The following JADE1 variants were observed in gnomAD, a reference collection of about 807,000 sequenced individuals.
JADE1 encodes jade family PHD finger 1.
In JADE1, 14 loss-of-function variants were observed where a neutral mutation model predicts 81.8. The observed-to-expected ratio is 0.17, with a 90% CI of 0.11 to 0.27. JADE1 has a LOEUF of 0.27. JADE1 is among the 10% of genes least tolerant of loss of function. The pLI, the probability that JADE1 is intolerant of heterozygous loss-of-function variation, is 1.00. For synonymous variants in JADE1, 353 were observed against 391.9 expected, an observed-to-expected ratio of 0.90 and a Z score of 1.17; for missense variants, 690 against 1,047.9, an observed-to-expected ratio of 0.66 and a Z score of 4.71.
Position 128,846,167 on chromosome 4 carries a change from G to A in JADE1, c.139-208G>A, listed in dbSNP as rs933599573. 1.3e-5 allele frequency among the ~76,000 whole-genome samples: 2 copies of A among 152,050 alleles called. No individual in the cohort carries two copies. Among genetic ancestry groups the A allele is most frequent in the East Asian group, 1.9e-4 (1 of 5,190 alleles). On this transcript the variant is annotated intron_variant, in intron 3 of 10. Coordinates refer to ENST00000226319, the MANE Select transcript of JADE1 (RefSeq NM_199320.4). The surrounding 1 kb of genome is among the most constrained non-coding windows in gnomAD (Gnocchi z 4.0). ...GACACTATGGACTGAGGGAGTGAGA[G>A]GGCAGTGTTCCCTCAGCACTGCCAC...
chr4:128,862,436 TG>T lies in JADE1; in HGVS notation c.1503+213del, dbSNP rs200381222. On this transcript the variant is annotated intron_variant, in intron 9 of 10. Transcript: ENST00000226319. ...TGCTACTGAGTGGGGAGCTTCTTTGTGGTTTTTTTTTTTTTAAAAACACTTT... is the reference window on the plus strand; with the variant it reads ...TGCTACTGAGTGGGGAGCTTCTTTGTGTTTTTTTTTTTTTAAAAACACTTT... The T allele has an allele frequency of 6.7e-4, 939 of 1,393,470 alleles. 2 individuals carry two copies. In the East Asian group the frequency reaches 0.012, roughly 18 times the overall value. 86.3% of individuals were successfully genotyped at this position (1,393,470 alleles called of 1,614,324 possible).
At chr4:128,855,911 C>G (rs1184871308) in intron 7 of JADE1, 114 bp downstream of exon 7, 2 of 875,978 alleles carry the variant, frequency 2.3e-6, no homozygotes, top group Non-Finnish European at 3.3e-6. Context: ...CCTTGACCTG[C>G]TGGGCTCAAG....
At chr4:128,812,397 A>AGCGTTCGCCGCTGCGGG (rs1235174101) in intron 1 of JADE1, among the ~76,000 whole-genome samples, 1 of 151,554 alleles carries the variant, frequency 6.6e-6, no homozygotes, top group Non-Finnish European at 1.5e-5. Flanking sequence ...AGCCGCGCGG[A>AGCGTTCGCCGCTGCGGG]GCGTTCGCCG....
At chr4:128,813,615 GT>G (rs1365160175) in intron 1 of JADE1, among the ~76,000 whole-genome samples, 2 of 151,762 alleles carry the variant, frequency 1.3e-5, no homozygotes, top group Non-Finnish European at 2.9e-5. Context: ...TAGAGACGGG[GT>G]TTCACCATAT....
At chr4:128,833,836 C>G (rs1191910184) in intron 2 of JADE1, among the ~76,000 whole-genome samples, 1 of 152,210 alleles carries the variant, frequency 6.6e-6, no homozygotes, top group African/African-American at 2.4e-5. Context: ...TGTATGCTCA[C>G]TCTGTCTGCT....
intron 1 of JADE1, among the ~76,000 whole-genome samples, chr4:128,821,014 G>A (rs574905093): frequency 2.0e-5 from 3 of 152,210 alleles, no homozygotes; most frequent in Admixed American, 6.5e-5. Flanking sequence ...TCTTACCTTC[G>A]TTCATTCAGA....
At chr4:128,870,303 T>A (rs904339195) in intron 10 of JADE1, among the ~76,000 whole-genome samples, 1 of 152,168 alleles carries the variant, frequency 6.6e-6, no homozygotes, top group Non-Finnish European at 1.5e-5. Flanking sequence ...ATGTTTCATT[T>A]GCTTGCAGTG....
intron 2 of JADE1, among the ~76,000 whole-genome samples, chr4:128,836,099 A>G (rs981443761): frequency 6.6e-6 from 1 of 151,910 alleles, no homozygotes. Flanking sequence ...CAAGTCCTTA[A>G]TTTTCTGCTT....
At position 128,861,755 on chromosome 4, in the gene JADE1, C is replaced by G. The variant is rs143731654; in HGVS notation, c.1033C>G (p.Arg345Gly). Residue 345 changes from arginine to glycine, a missense_variant, in exon 9 of 11, where the codon CGG (arginine) becomes GGG (glycine). Physicochemically the swap from Arg to Gly is moderately radical, Grantham distance 125 (BLOSUM62 -2). This residue lies in a region of JADE1 where 77 missense variants were observed against 76.4 expected (regional missense o/e 1.01). Coordinates refer to ENST00000226319, the MANE Select transcript of JADE1 (RefSeq NM_199320.4). Reference sequence around the variant, plus strand: ...CTTCCATGTGACCTGTGCTTTTGACCGGGGCCTGGAGATGAAGACCATCTT... The same window carrying G: ...CTTCCATGTGACCTGTGCTTTTGACGGGGGCCTGGAGATGAAGACCATCTT... ...TAFHVTCAFDRGLEMKTILAE... is the reference protein window; with the variant it reads ...TAFHVTCAFDGGLEMKTILAE... The G allele has an allele frequency of 1.1e-5, 18 of 1,614,028 alleles. No individual in the cohort carries two copies. The highest frequency in any genetic ancestry group is 1.5e-5 in the Non-Finnish European group (18 of 1,180,020).
chr4:128,834,985 T>C (rs75287103), intron 2 of JADE1, among the ~76,000 whole-genome samples: 7 of 137,316 alleles, frequency 5.1e-5, no homozygotes, highest in African/African-American at 2.1e-4. Context: ...ATCTCTATTT[T>C]AAAAAAAAAA....
At chr4:128,815,337 T>G (rs1726936062) in intron 1 of JADE1, among the ~76,000 whole-genome samples, 1 of 152,142 alleles carries the variant, frequency 6.6e-6, no homozygotes, top group Non-Finnish European at 1.5e-5. Flanking sequence ...CCTGACCTCG[T>G]GATCCGCCCG....
At chr4:128,828,327 T>TAAAA (rs1231486156) in intron 1 of JADE1, among the ~76,000 whole-genome samples, 1 of 152,166 alleles carries the variant, frequency 6.6e-6, no homozygotes, top group East Asian at 1.9e-4. Flanking sequence ...GATGCTGGCT[T>TAAAA]TTAGTGGGGC....
chr4:128,842,870 G>A, intron 2 of JADE1, 83 bp from the exon 3 acceptor site: 1 of 1,172,040 alleles, frequency 8.5e-7, no homozygotes, highest in South Asian at 1.2e-5. Context: ...AGCCTGGGAT[G>A]AGTTTGGGTA....
intron 3 of JADE1, among the ~76,000 whole-genome samples, chr4:128,845,524 T>C (rs1334923219): frequency 1.3e-5 from 2 of 152,208 alleles, no homozygotes; most frequent in African/African-American, 4.8e-5. Context: ...TTCCAGATTT[T>C]TCTAGGCCAG....
At chr4:128,819,717 CTG>C (rs1375730677) in intron 1 of JADE1, among the ~76,000 whole-genome samples, 3 of 152,222 alleles carry the variant, frequency 2.0e-5, no homozygotes, top group Non-Finnish European at 4.4e-5. Flanking sequence ...TGCCATGAAT[CTG>C]TGTTTCAGTT....
chr4:128,867,780 G>A, intron 9 of JADE1, 76 bp from the exon 10 acceptor site: 1 of 869,630 alleles, frequency 1.1e-6, no homozygotes, highest in Non-Finnish European at 1.8e-6. Context: ...TTTCTCTTAG[G>A]TAAAGAAATT....
rs1164401219 is a variant in JADE1 at position 128,831,747 on chromosome 4, C to G, written c.-12C>G. ...TTGCTTTGCAGGCTGCCTGCTGTTTCCCGGGGAGATCATGAAACGAGGTCG... is the reference window on the plus strand; with the variant it reads ...TTGCTTTGCAGGCTGCCTGCTGTTTGCCGGGGAGATCATGAAACGAGGTCG... On this transcript the variant is annotated 5_prime_UTR_variant, in exon 2 of 11. Transcript: ENST00000226319. The G allele has an allele frequency of 6.2e-7, 1 of 1,614,072 alleles. No homozygotes were observed. The highest frequency in any genetic ancestry group is 2.2e-5 in the East Asian group (1 of 44,878).
At chr4:128,845,014 C>T (rs1468123396) in intron 3 of JADE1, among the ~76,000 whole-genome samples, 1 of 152,214 alleles carries the variant, frequency 6.6e-6, no homozygotes, top group Non-Finnish European at 1.5e-5. Context: ...GAGAGTTCAG[C>T]ATTGTGACTT....
chr4:128,831,810 A>G lies in JADE1; in HGVS notation c.52A>G (p.Ser18Gly). Residue 18 changes from serine to glycine, a missense_variant and splice_region_variant, in exon 2 of 11, where the codon AGC (serine) becomes GGC (glycine). This residue lies in a region of JADE1 where 59 missense variants were observed against 52.8 expected (regional missense o/e 1.12). Transcript: ENST00000226319. Reference sequence around the variant, plus strand: ...CAGTGAGGATTCTGACGACAATGGCAGTAAGTCCTGCTTTGTTGTTCTTGG... The same window carrying G: ...CAGTGAGGATTCTGACGACAATGGCGGTAAGTCCTGCTTTGTTGTTCTTGG... Reference protein sequence around the residue: ...SSSEDSDDNGSLSTTWSQNSR... With the variant: ...SSSEDSDDNGGLSTTWSQNSR... 6.2e-7 allele frequency: 1 copy of G among 1,613,784 alleles called. No individual in the cohort carries two copies. The highest frequency in any genetic ancestry group is 8.5e-7 in the Non-Finnish European group (1 of 1,179,674).
Sources: allele counts gnomAD v4.1 joint callset (sites outside exome capture counted in the v4.1 genomes callset), GRCh38; gene constraint gnomAD v4.1.1; regional missense constraint gnomAD v4.1.1; non-coding constraint Gnocchi (gnomAD v3.1); transcripts MANE v1.5; gene names NCBI Gene and HGNC (gene_info 2026-07-23, HGNC 2026-07-21).